The following RFX3 variants were observed in gnomAD, a reference collection of about 807,000 sequenced individuals.
The protein encoded by RFX3 is transcription factor RFX3.
In RFX3, 14 loss-of-function variants were observed where a neutral mutation model predicts 98.6. That is an observed-to-expected ratio of 0.14 (90% CI 0.09 to 0.22). The LOEUF (loss-of-function observed/expected upper bound fraction) is 0.22, where lower values mean the gene tolerates loss of function less well. RFX3 is among the 10% of genes least tolerant of loss of function. RFX3 has a pLI of 1.00. For missense variants in RFX3, 639 were observed against 926.9 expected (o/e 0.69, Z 4.03); for synonymous variants, 383 against 328.4 (o/e 1.17, Z -1.80).
intron 2 of RFX3, among the ~76,000 whole-genome samples, chr9:3,376,602 C>T (rs202070430): frequency 2.6e-5 from 4 of 152,106 alleles, no homozygotes; most frequent in Admixed American, 1.3e-4. Flanking sequence ...TGGGATCTAA[C>T]TGAACTAAAG....
chr9:3,377,607 G>A (rs1838693911), intron 2 of RFX3, among the ~76,000 whole-genome samples: 2 of 152,078 alleles, frequency 1.3e-5, no homozygotes, highest in African/African-American at 4.8e-5. Context: ...AAGAATATAT[G>A]TTGTATGACA....
At chr9:3,327,966 A>T (rs1417873997) in intron 4 of RFX3, among the ~76,000 whole-genome samples, 1 of 152,212 alleles carries the variant, frequency 6.6e-6, no homozygotes, top group African/African-American at 2.4e-5. Context: ...TGGATTAAAC[A>T]ATTTGGTTAA....
chr9:3,267,054 G>A (rs1180951200), intron 11 of RFX3, among the ~76,000 whole-genome samples: 1 of 152,070 alleles, frequency 6.6e-6, no homozygotes, highest in Non-Finnish European at 1.5e-5. Context: ...ATAATGAGAA[G>A]CATCTTCAGT....
Position 3,236,555 on chromosome 9 carries a change from G to C in RFX3, c.1969-7666C>G, listed in dbSNP as rs7853631. ...CCCCAAAGACCTTGGAAAGCCCTCT[G>C]TGTCAGCACTTCTCAATGGTTCCAT... On this transcript the variant is annotated intron_variant, in intron 15 of 16. Transcript: ENST00000617270. Among the ~76,000 whole-genome samples the C allele has an allele frequency of 3.7e-3, 563 of 152,310 alleles. 6 individuals carry two copies. Among genetic ancestry groups the C allele is most frequent in the African/African-American group, 0.013 (535 of 41,562 alleles).
At chr9:3,394,627 A>G (rs1048623550) in intron 2 of RFX3, among the ~76,000 whole-genome samples, 1 of 152,232 alleles carries the variant, frequency 6.6e-6, no homozygotes, top group Non-Finnish European at 1.5e-5. Context: ...GTCCTTCATC[A>G]TCTATAACCC....
At chr9:3,478,276 C>G (rs141753021) in intron 1 of RFX3, among the ~76,000 whole-genome samples, 7 of 152,054 alleles carry the variant, frequency 4.6e-5, no homozygotes, top group African/African-American at 1.4e-4. Flanking sequence ...CAGATTGCTC[C>G]ACATTATTCC....
intron 1 of RFX3, among the ~76,000 whole-genome samples, chr9:3,477,355 C>G (rs868430505): frequency 8.5e-5 from 13 of 152,114 alleles, no homozygotes; most frequent in African/African-American, 2.9e-4. Flanking sequence ...CTGAAAGACT[C>G]CCTTTAACAT....
intron 2 of RFX3, among the ~76,000 whole-genome samples, chr9:3,374,158 G>A (rs4741825): frequency 0.22 from 32,675 of 151,972 alleles, 6,180 homozygotes; most frequent in African/African-American, 0.51. Flanking sequence ...GATGGTTACT[G>A]TCAAGAAAAG....
At chr9:3,293,494 G>A (rs1827635350) in intron 5 of RFX3, among the ~76,000 whole-genome samples, 1 of 152,086 alleles carries the variant, frequency 6.6e-6, no homozygotes, top group African/African-American at 2.4e-5. Context: ...AAATATTCAA[G>A]CACACGTAGA....
chr9:3,265,380 G>A (rs1363714118), intron 12 of RFX3, among the ~76,000 whole-genome samples: 7 of 152,228 alleles, frequency 4.6e-5, no homozygotes, highest in Non-Finnish European at 1.0e-4. Flanking sequence ...CCAAGCAAAC[G>A]AACTGGAGGC....
intron 1 of RFX3, among the ~76,000 whole-genome samples, chr9:3,496,611 C>A (rs1030806494): frequency 1.1e-4 from 16 of 151,962 alleles, no homozygotes; most frequent in Admixed American, 2.6e-4. Context: ...TAAGCTCTCT[C>A]TATACGCTTA....
At chr9:3,370,833 T>C (rs909502414) in intron 2 of RFX3, among the ~76,000 whole-genome samples, 4 of 152,150 alleles carry the variant, frequency 2.6e-5, no homozygotes, top group Admixed American at 6.5e-5. Flanking sequence ...TAATTCAAAT[T>C]GGTGCATGTG....
rs975286323 is a variant in RFX3, at chr9:3,219,316, T to A, written c.*5726A>T. 6.6e-6 allele frequency: 1 copy of A among 152,124 alleles called. No homozygotes were observed. Among genetic ancestry groups the A allele is most frequent in the Non-Finnish European group, 1.5e-5 (1 of 68,008 alleles). 9.4% of individuals were successfully genotyped at this position (152,124 alleles called of 1,614,324 possible). A position where few individuals can be genotyped will look rare whatever the true frequency, so the allele number is the denominator to read the frequency against. Reference sequence around the variant, plus strand: ...GGTTATCAACAGTCAATGGGAGTTTTTATATTTTCTTTCCTCCCCAGAATC... The same window carrying A: ...GGTTATCAACAGTCAATGGGAGTTTATATATTTTCTTTCCTCCCCAGAATC... On this transcript the variant is annotated 3_prime_UTR_variant, in exon 17 of 17. Transcript: ENST00000617270.
chr9:3,338,156 C>T (rs2920380), intron 3 of RFX3, among the ~76,000 whole-genome samples: 41,431 of 152,006 alleles, frequency 0.27, 7,537 homozygotes, highest in African/African-American at 0.52. Context: ...CCTCCCCTTA[C>T]TACATAAGAA....
intron 1 of RFX3, among the ~76,000 whole-genome samples, chr9:3,438,165 C>G (rs531497824): frequency 7.9e-5 from 12 of 152,202 alleles, no homozygotes; most frequent in African/African-American, 2.9e-4. Context: ...CAGAAGCCGA[C>G]AGTTGATCCT....
intron 1 of RFX3, among the ~76,000 whole-genome samples, chr9:3,487,547 T>G (rs1321662999): frequency 6.6e-6 from 1 of 152,160 alleles, no homozygotes; most frequent in Non-Finnish European, 1.5e-5. Context: ...ACGATGCCAT[T>G]AGAAAAAGCA....
intron 16 of RFX3, 54 bp from the exon 17 acceptor site, chr9:3,225,334 A>G: frequency 6.3e-7 from 1 of 1,597,134 alleles, no homozygotes; most frequent in South Asian, 1.1e-5. Flanking sequence ...AGAAAATAGC[A>G]ATCAACAGGT....
intron 1 of RFX3, among the ~76,000 whole-genome samples, chr9:3,449,182 A>G (rs1313315459): frequency 6.6e-6 from 1 of 152,194 alleles, no homozygotes; most frequent in Non-Finnish European, 1.5e-5. Context: ...TACATAGGAG[A>G]GCAACACCTA....
chr9:3,347,099 T>C (rs895562447), intron 2 of RFX3, among the ~76,000 whole-genome samples: 6 of 152,110 alleles, frequency 3.9e-5, no homozygotes, highest in African/African-American at 1.4e-4. Context: ...AGTGGGCAGA[T>C]TGCCTGAGCT....
Sources: gnomAD v4.1 joint callset for allele counts (sites outside exome capture counted in the v4.1 genomes callset) on GRCh38, gnomAD v4.1.1 for gene constraint, MANE v1.5 for transcripts, NCBI Gene and HGNC (gene_info 2026-07-23, HGNC 2026-07-21) for gene names.